NKAIN2: variants seen among roughly 807,000 people sequenced by gnomAD.
NKAIN2 encodes the protein sodium/potassium transporting ATPase interacting 2, also known as sodium/potassium-transporting ATPase subunit beta-1-interacting protein 2.
Under a neutral mutation model 32.6 loss-of-function variants are expected in NKAIN2, and 14 were observed. That is an observed-to-expected ratio of 0.43 (90% CI 0.28 to 0.67). NKAIN2 has a LOEUF of 0.67. NKAIN2 is among the 30% of genes least tolerant of loss of function. The probability of loss-of-function intolerance (pLI) is 0.17; values close to 1 mark genes in which losing one functional copy is unlikely to be tolerated. For missense variants in NKAIN2, 198 were observed against 258.3 expected (o/e 0.77, Z 1.60); for synonymous variants, 80 against 87.2 (o/e 0.92, Z 0.46).
At chr6:124,368,290 C>T (rs1055127230) in intron 3 of NKAIN2, among the ~76,000 whole-genome samples, 2 of 152,042 alleles carry the variant, frequency 1.3e-5, no homozygotes, top group African/African-American at 4.8e-5. Flanking sequence ...CAATTTAAAC[C>T]ATTTCATAGT....
chr6:124,433,933 C>T (rs947583464), intron 3 of NKAIN2, among the ~76,000 whole-genome samples: 11 of 152,126 alleles, frequency 7.2e-5, no homozygotes, highest in Admixed American at 6.6e-4. Context: ...GCAGTCTGTG[C>T]ATGCAGTGCA....
chr6:123,892,559 G>T (rs767255954), intron 1 of NKAIN2, among the ~76,000 whole-genome samples: 1 of 151,918 alleles, frequency 6.6e-6, no homozygotes, highest in South Asian at 2.1e-4. Context: ...ACCTTGACAC[G>T]TGGGGATTAT....
intron 2 of NKAIN2, among the ~76,000 whole-genome samples, chr6:124,343,714 G>A (rs1287352462): frequency 1.3e-5 from 2 of 149,538 alleles, no homozygotes; most frequent in Non-Finnish European, 1.5e-5. Flanking sequence ...TGAGTTCATT[G>A]TAGATTCTGG....
chr6:124,163,513 T>G (rs939512071), intron 1 of NKAIN2, among the ~76,000 whole-genome samples: 3 of 115,470 alleles, frequency 2.6e-5, no homozygotes, highest in Non-Finnish European at 4.0e-5. Context: ...AAATGATGTT[T>G]CTAAACAGCA....
intron 1 of NKAIN2, among the ~76,000 whole-genome samples, chr6:124,014,818 A>G (rs564377170): frequency 6.6e-6 from 1 of 152,248 alleles, no homozygotes; most frequent in South Asian, 2.1e-4. Context: ...ACAAGCTATC[A>G]TCAATATTCT....
chr6:124,384,114 T>G (rs1772776733), intron 3 of NKAIN2, among the ~76,000 whole-genome samples: 1 of 152,140 alleles, frequency 6.6e-6, no homozygotes, highest in Admixed American at 6.5e-5. Context: ...AAGAGTTGTC[T>G]TCGTTGTACT....
At chr6:124,509,256 A>G (rs1015150999) in intron 3 of NKAIN2, among the ~76,000 whole-genome samples, 2 of 152,206 alleles carry the variant, frequency 1.3e-5, no homozygotes, top group African/African-American at 4.8e-5. Context: ...GATTCAAGAG[A>G]CTATGCCATT....
intron 1 of NKAIN2, among the ~76,000 whole-genome samples, chr6:123,993,348 A>G (rs564519918): frequency 7.2e-5 from 11 of 152,158 alleles, no homozygotes; most frequent in African/African-American, 2.2e-4. Context: ...TTTTCATTTC[A>G]GCAGCCTGAT....
intron 1 of NKAIN2, among the ~76,000 whole-genome samples, chr6:124,015,572 T>G (rs1228473755): frequency 6.6e-6 from 1 of 152,182 alleles, no homozygotes; most frequent in African/African-American, 2.4e-5. Flanking sequence ...TTTTAAATAG[T>G]TCAGCTGAGA....
intron 1 of NKAIN2, among the ~76,000 whole-genome samples, chr6:124,276,512 C>T (rs983697147): frequency 4.6e-5 from 7 of 151,854 alleles, no homozygotes; most frequent in Admixed American, 2.0e-4. Flanking sequence ...TATGTGAATC[C>T]GATCTCTTGG....
chr6:123,911,205 G>C (rs1249383963), intron 1 of NKAIN2, among the ~76,000 whole-genome samples: 2 of 152,086 alleles, frequency 1.3e-5, no homozygotes, highest in African/African-American at 4.8e-5. Flanking sequence ...GTCTCAGTCA[G>C]TTGTGTTGCT....
At chr6:124,325,399 C>T (rs928929955) in intron 2 of NKAIN2, among the ~76,000 whole-genome samples, 2 of 151,842 alleles carry the variant, frequency 1.3e-5, no homozygotes, top group African/African-American at 2.4e-5. Flanking sequence ...TAGGTATTTA[C>T]CCAAGAGATG....
In NKAIN2 at chr6:124,040,039, G is replaced by A. The variant is rs554527368; in HGVS notation, c.54+235785G>A. Among the ~76,000 whole-genome samples the A allele has an allele frequency of 2.6e-5, 4 of 151,962 alleles. No homozygotes were observed. The East Asian group carries it at 5.8e-4, about 22-fold the overall frequency. On this transcript the variant is annotated intron_variant, in intron 1 of 6. Coordinates refer to ENST00000368417, the MANE Select transcript of NKAIN2 (RefSeq NM_001040214.3). ...TGATAATCTGGATTCAGTAATCAAT[G>A]GCTGTTATTTATTACAAGTGGTTTG...
intron 3 of NKAIN2, among the ~76,000 whole-genome samples, chr6:124,622,084 A>ATT (rs1783126909): frequency 5.3e-5 from 8 of 152,326 alleles, no homozygotes; most frequent in African/African-American, 1.9e-4. Flanking sequence ...AGAGGTCAGA[A>ATT]GTTCAAACCA....
intron 1 of NKAIN2, among the ~76,000 whole-genome samples, chr6:124,233,075 T>C (rs535160209): frequency 6.6e-6 from 1 of 152,160 alleles, no homozygotes; most frequent in Middle Eastern, 3.4e-3. Flanking sequence ...TGAGAAATAA[T>C]TATTTGGGCT....
At chr6:124,223,434 A>G (rs1414179912) in intron 1 of NKAIN2, among the ~76,000 whole-genome samples, 3 of 152,112 alleles carry the variant, frequency 2.0e-5, no homozygotes, top group Non-Finnish European at 4.4e-5. Flanking sequence ...AAAGGCAATC[A>G]AATCTAGGGT....
chr6:123,816,877 T>G (rs1345018897), intron 1 of NKAIN2, among the ~76,000 whole-genome samples: 2 of 152,254 alleles, frequency 1.3e-5, no homozygotes, highest in East Asian at 3.9e-4. Flanking sequence ...GTAGAGTGTC[T>G]AGTTATTGAG....
chr6:123,907,327 C>G (rs1299311175), intron 1 of NKAIN2, among the ~76,000 whole-genome samples: 1 of 151,964 alleles, frequency 6.6e-6, no homozygotes, highest in Non-Finnish European at 1.5e-5. Flanking sequence ...TAAAATGTCT[C>G]ATTTTTAAAA....
intron 1 of NKAIN2, among the ~76,000 whole-genome samples, chr6:124,120,232 C>A (rs1443516476): frequency 6.6e-6 from 1 of 152,156 alleles, no homozygotes; most frequent in African/African-American, 2.4e-5. Context: ...GACCACTTAA[C>A]TACTGACCAC....
Sources: gnomAD v4.1 joint callset for allele counts (sites outside exome capture counted in the v4.1 genomes callset) on GRCh38, gnomAD v4.1.1 for gene constraint, MANE v1.5 for transcripts, NCBI Gene and HGNC (gene_info 2026-07-23, HGNC 2026-07-21) for gene names.